The following FSTL5 variants were observed in gnomAD, a reference collection of about 807,000 sequenced individuals.
FSTL5 encodes follistatin like 5.
A neutral mutation model predicts 89.1 loss-of-function variants in FSTL5; 62 were observed. The ratio of observed to expected loss-of-function variants is 0.70; its 90% CI spans 0.57 to 0.86. The LOEUF is 0.86. Among genes scored for constraint, FSTL5 ranks in the 40% least tolerant of loss-of-function variants. FSTL5 has a pLI of 0.00. For synonymous variants in FSTL5, 383 were observed against 346.2 expected, an observed-to-expected ratio of 1.11 and a Z score of -1.18; for missense variants, 1,057 against 1,001.6, an observed-to-expected ratio of 1.06 and a Z score of -0.75.
At chr4:162,073,414 GT>G (rs1729708730) in intron 2 of FSTL5, among the ~76,000 whole-genome samples, 1 of 151,504 alleles carries the variant, frequency 6.6e-6, no homozygotes, top group Non-Finnish European at 1.5e-5. Flanking sequence ...CCACAGTAAA[GT>G]TTTTTAAATA....
chr4:161,899,920 C>T (rs756197054), intron 4 of FSTL5, among the ~76,000 whole-genome samples: 26 of 152,260 alleles, frequency 1.7e-4, no homozygotes, highest in Admixed American at 1.2e-3. Context: ...TTTGGCTGAG[C>T]GTGGTGGCTC....
At chr4:161,852,341 A>G (rs1440192391) in intron 4 of FSTL5, among the ~76,000 whole-genome samples, 1 of 152,196 alleles carries the variant, frequency 6.6e-6, no homozygotes, top group Non-Finnish European at 1.5e-5. Flanking sequence ...AAACCATTGC[A>G]TGCATCCTAC....
At chr4:162,035,669 G>T (rs183881244) in intron 2 of FSTL5, among the ~76,000 whole-genome samples, 4 of 152,084 alleles carry the variant, frequency 2.6e-5, no homozygotes, top group Non-Finnish European at 5.9e-5. Flanking sequence ...TTCTTCTCAG[G>T]GGGTAATATT....
rs1488776012 is a variant in FSTL5, at chr4:161,538,269, C to T, written c.1209G>A (p.Val403=). 1 of 1,613,978 alleles carries T rather than the reference C, an allele frequency of 6.2e-7. No individual in the cohort carries two copies. Among genetic ancestry groups the T allele is most frequent in the East Asian group, 2.2e-5 (1 of 44,864 alleles). The change falls in exon 10 of 16, where the codon GTG becomes GTA. Residue 403 remains valine, a synonymous_variant. Transcript: ENST00000306100. The part of the protein sequence containing the change: ...ANGSEVHISN[V]RYEDTGAYTC... ...TGTATGCTCCAGTATCTTCATAGCG[C>T]ACATTGCTTATGTGAACCTCACTGC... is the stretch of plus-strand genomic sequence containing the variant.
At chr4:162,159,761 ATAAT>A (rs1197868201) in intron 1 of FSTL5, among the ~76,000 whole-genome samples, 1 of 152,026 alleles carries the variant, frequency 6.6e-6, no homozygotes, top group African/African-American at 2.4e-5. Flanking sequence ...ATATTTTTAA[ATAAT>A]TAATGTGGTG....
chr4:161,825,892 A>G (rs1730652765), intron 4 of FSTL5, among the ~76,000 whole-genome samples: 1 of 151,018 alleles, frequency 6.6e-6, no homozygotes, highest in Non-Finnish European at 1.5e-5. Flanking sequence ...TTCTGCTTTG[A>G]TCTTCATTAT....
At chr4:161,802,373 A>T (rs1729825755) in intron 4 of FSTL5, among the ~76,000 whole-genome samples, 2 of 151,788 alleles carry the variant, frequency 1.3e-5, no homozygotes, top group Admixed American at 1.3e-4. Context: ...TGAATCGAAC[A>T]CAGTGAGTGC....
intron 4 of FSTL5, among the ~76,000 whole-genome samples, chr4:161,820,977 T>TA (rs1477019224): frequency 6.7e-6 from 1 of 150,332 alleles, no homozygotes; most frequent in Admixed American, 6.6e-5. Flanking sequence ...TCTTTACAAA[T>TA]AAAAAATGTA....
At chr4:161,474,915 A>T (rs143699525) in intron 13 of FSTL5, among the ~76,000 whole-genome samples, 3 of 152,198 alleles carry the variant, frequency 2.0e-5, no homozygotes, top group African/African-American at 7.2e-5. Context: ...CATTTCTTAC[A>T]GGACAAGTCT....
chr4:161,820,863 T>C (rs1263566780), intron 4 of FSTL5, among the ~76,000 whole-genome samples: 1 of 152,126 alleles, frequency 6.6e-6, no homozygotes, highest in African/African-American at 2.4e-5. Flanking sequence ...AAAAATGATT[T>C]TGTATGTTTG....
chr4:162,089,252 C>T (rs1435951022), intron 2 of FSTL5, among the ~76,000 whole-genome samples: 1 of 152,054 alleles, frequency 6.6e-6, no homozygotes, highest in African/African-American at 2.4e-5. Flanking sequence ...CTCTGCTAAT[C>T]TGTTATAGCA....
chr4:161,560,825 C>A (rs1347083353), intron 8 of FSTL5, among the ~76,000 whole-genome samples: 2 of 151,920 alleles, frequency 1.3e-5, no homozygotes, highest in African/African-American at 4.8e-5. Flanking sequence ...ACTGAACTAC[C>A]TGCCTAAGGC....
intron 14 of FSTL5, among the ~76,000 whole-genome samples, chr4:161,455,655 T>A (rs1269403773): frequency 1.3e-5 from 2 of 152,176 alleles, no homozygotes; most frequent in African/African-American, 4.8e-5. Flanking sequence ...AGAGATTTCA[T>A]CTTTAATAAT....
chr4:161,846,508 C>T (rs1480081092), intron 4 of FSTL5, among the ~76,000 whole-genome samples: 1 of 152,026 alleles, frequency 6.6e-6, no homozygotes. Flanking sequence ...ATTTAAAATG[C>T]TATATGTTTA....
At chr4:161,523,552 C>T (rs1731104966) in intron 10 of FSTL5, among the ~76,000 whole-genome samples, 1 of 152,100 alleles carries the variant, frequency 6.6e-6, no homozygotes, top group Non-Finnish European at 1.5e-5. Context: ...GGTTTTATTC[C>T]TGGAAGTTCA....
At chr4:162,090,548 C>T (rs772509015) in intron 2 of FSTL5, among the ~76,000 whole-genome samples, 3 of 152,042 alleles carry the variant, frequency 2.0e-5, no homozygotes, top group South Asian at 2.1e-4. Context: ...AGGCCGGGTG[C>T]GGTGACTCAT....
chr4:161,919,274 A>T (rs1185833293), intron 4 of FSTL5, among the ~76,000 whole-genome samples: 1 of 152,190 alleles, frequency 6.6e-6, no homozygotes, highest in Non-Finnish European at 1.5e-5. Flanking sequence ...TGTATGTAAG[A>T]GGCACACAGT....
chr4:161,453,638 G>A (rs753105721), intron 15 of FSTL5, among the ~76,000 whole-genome samples: 4 of 151,968 alleles, frequency 2.6e-5, no homozygotes, highest in Middle Eastern at 3.4e-3. Context: ...CTCTGTTGCC[G>A]AGGCTGGAGC....
At chr4:161,516,516 C>G (rs1730836868) in intron 10 of FSTL5, among the ~76,000 whole-genome samples, 1 of 145,970 alleles carries the variant, frequency 6.9e-6, no homozygotes, top group South Asian at 2.1e-4. Context: ...TATATATACA[C>G]ACATATATAA....
Sources: gnomAD v4.1 joint callset for allele counts (sites outside exome capture counted in the v4.1 genomes callset) on GRCh38, gnomAD v4.1.1 for gene constraint, MANE v1.5 for transcripts, NCBI Gene and HGNC (gene_info 2026-07-23, HGNC 2026-07-21) for gene names.